The following SEC24D variants were observed in gnomAD, a reference collection of about 807,000 sequenced individuals.
SEC24D encodes the protein SEC24 homolog D, COPII component, also known as protein transport protein Sec24D.
In SEC24D, 69 loss-of-function variants were observed where a neutral mutation model predicts 116.9. The ratio of observed to expected loss-of-function variants is 0.59; its 90% CI spans 0.49 to 0.72. The LOEUF is 0.72. Among genes scored for constraint, SEC24D ranks in the 30% least tolerant of loss-of-function variants. The probability of loss-of-function intolerance (pLI) is 0.00; values close to 1 mark genes in which losing one functional copy is unlikely to be tolerated. For missense variants in SEC24D, 1,131 were observed against 1,264.1 expected, an observed-to-expected ratio of 0.89 and a Z score of 1.60; for synonymous variants, 405 against 442.8, an observed-to-expected ratio of 0.91 and a Z score of 1.07.
Position 118,738,334 on chromosome 4 carries a change from A to C in SEC24D, c.2423T>G (p.Ile808Ser). Reference protein sequence around the residue: ...LHQPLKVIREILVNQTAHMLA... With the variant: ...LHQPLKVIRESLVNQTAHMLA... ...CATATGGGCAGTCTGATTAACTAGAATTTCCCGGATGACCTTCAAAGGCTG... is the reference window on the plus strand; with the variant it reads ...CATATGGGCAGTCTGATTAACTAGACTTTCCCGGATGACCTTCAAAGGCTG... Residue 808 changes from isoleucine (I) to serine (S), a missense_variant, in exon 19 of 23, where the codon ATT (isoleucine) becomes AGT (serine). Coordinates refer to ENST00000280551, the MANE Select transcript of SEC24D (RefSeq NM_014822.4). 6.2e-7 allele frequency: 1 copy of C among 1,613,604 alleles called. No individual in the cohort carries two copies. The highest frequency in any genetic ancestry group is 8.5e-7 in the Non-Finnish European group (1 of 1,179,592).
In SEC24D at chr4:118,740,599, T is replaced by TC. The variant is rs1726178893; in HGVS notation, c.2238+63dup. On this transcript the variant is annotated intron_variant, in intron 17 of 22. Coordinates refer to ENST00000280551, the MANE Select transcript of SEC24D (RefSeq NM_014822.4). ...TAACACATTTGATGGTATTTCAGTCTCCCCACTGATCATTGTCGGCAACAA... is the reference window on the plus strand; with the variant it reads ...TAACACATTTGATGGTATTTCAGTCTCCCCCACTGATCATTGTCGGCAACAA... 4.2e-5 allele frequency: 65 copies of TC among 1,542,250 alleles called. 1 individual carries two copies. The South Asian group carries it at 7.2e-4, about 17-fold the overall frequency.
intron 11 of SEC24D, among the ~76,000 whole-genome samples, chr4:118,753,796 T>G (rs13109966): frequency 0.26 from 40,170 of 152,072 alleles, 6,460 homozygotes; most frequent in East Asian, 0.45. Flanking sequence ...GAATATTACA[T>G]AGTGCTCAAT....
intron 3 of SEC24D, 106 bp from the exon 4 acceptor site, chr4:118,817,518 C>A: frequency 1.1e-6 from 1 of 903,648 alleles, no homozygotes. Flanking sequence ...TCTAGTAGGC[C>A]TAGGAAAATG....
intron 8 of SEC24D, among the ~76,000 whole-genome samples, chr4:118,776,826 G>A (rs1011826576): frequency 6.6e-6 from 1 of 152,112 alleles, no homozygotes; most frequent in Non-Finnish European, 1.5e-5. Flanking sequence ...AATGCACAAT[G>A]TTCTACAAAT....
At chr4:118,790,243 T>C (rs937491659) in intron 8 of SEC24D, among the ~76,000 whole-genome samples, 15 of 152,208 alleles carry the variant, frequency 9.9e-5, no homozygotes, top group Admixed American at 5.2e-4. Flanking sequence ...CTGAAAAATA[T>C]ACACAGATAT....
chr4:118,723,210 A>G lies in SEC24D; in HGVS notation c.*305T>C, dbSNP rs1725234274. The G allele has an allele frequency of 2.3e-5, 5 of 217,166 alleles. No homozygotes were observed. The highest frequency in any genetic ancestry group is 9.0e-6 in the Non-Finnish European group (1 of 110,880). The allele number at this position is 217,166 out of a possible 1,614,324, so 13.5% of individuals were successfully genotyped here. ...TTGAAAAATAATTTATATGTCTAGCATAAAGAAAATTGAGAATGTTTATGG... is the reference window on the plus strand; with the variant it reads ...TTGAAAAATAATTTATATGTCTAGCGTAAAGAAAATTGAGAATGTTTATGG... On this transcript the variant is annotated 3_prime_UTR_variant, in exon 23 of 23. Transcript: ENST00000280551.
intron 8 of SEC24D, among the ~76,000 whole-genome samples, chr4:118,778,623 T>C (rs960357960): frequency 6.6e-6 from 1 of 151,988 alleles, no homozygotes; most frequent in African/African-American, 2.4e-5. Flanking sequence ...CTTTAGTTTT[T>C]TCCAATTCCA....
chr4:118,735,906 C>A (rs1015728629), intron 19 of SEC24D: 4 of 152,004 alleles, frequency 2.6e-5, no homozygotes, highest in Admixed American at 1.3e-4. Flanking sequence ...GTTGCCCAGG[C>A]TGGCCTTCAA....
At chr4:118,820,107 CCCTCATATAAATG>C in intron 3 of SEC24D, among the ~76,000 whole-genome samples, 1 of 151,904 alleles carries the variant, frequency 6.6e-6, no homozygotes, top group Non-Finnish European at 1.5e-5. Context: ...GCTAACAAAC[CCCTCATATAAATG>C]CCTCACATAA....
At position 118,815,013 on chromosome 4, in the gene SEC24D, G is replaced by C; in HGVS notation, c.801+15C>G. The C allele has an allele frequency of 1.9e-6, 3 of 1,611,978 alleles. No homozygotes were observed. The highest frequency in any genetic ancestry group is 1.7e-6 in the Non-Finnish European group (2 of 1,179,204). ...CCTTTGTGAGTGAGACTGTGAGAGT[G>C]AGAAGAGTACTTACTGGGCTAGGGA... On this transcript the variant is annotated intron_variant, in intron 6 of 22. Coordinates refer to ENST00000280551, the MANE Select transcript of SEC24D (RefSeq NM_014822.4).
In SEC24D at chr4:118,817,245, C is replaced by A; in HGVS notation, c.397+19G>T. On this transcript the variant is annotated intron_variant, in intron 4 of 22. Coordinates refer to ENST00000280551, the MANE Select transcript of SEC24D (RefSeq NM_014822.4). Reference sequence around the variant, plus strand: ...CAGGACACAAGGCAGTCAATAAACACTAATAATAAAACTATTACCATAGCT... The same window carrying A: ...CAGGACACAAGGCAGTCAATAAACAATAATAATAAAACTATTACCATAGCT... 6.3e-7 allele frequency: 1 copy of A among 1,579,396 alleles called. No individual in the cohort carries two copies. The highest frequency in any genetic ancestry group is 1.9e-5 in the Admixed American group (1 of 51,904).
intron 8 of SEC24D, among the ~76,000 whole-genome samples, chr4:118,777,296 T>C (rs1335089100): frequency 6.6e-6 from 1 of 152,106 alleles, no homozygotes; most frequent in Non-Finnish European, 1.5e-5. Flanking sequence ...CCCCGGTGTG[T>C]GATGTTTCCC....
chr4:118,750,148 G>C (rs1286189915), intron 13 of SEC24D, among the ~76,000 whole-genome samples: 2 of 152,198 alleles, frequency 1.3e-5, no homozygotes, highest in African/African-American at 4.8e-5. Context: ...TTGGACTCTA[G>C]TAAACTGGCT....
At chr4:118,746,204 A>C (rs1726517186) in intron 13 of SEC24D, among the ~76,000 whole-genome samples, 1 of 73,060 alleles carries the variant, frequency 1.4e-5, no homozygotes, top group Non-Finnish European at 2.7e-5. Flanking sequence ...GAAAGAAGGA[A>C]GGAAGGAGGG....
At chr4:118,833,916 T>C (rs1164855211) in intron 1 of SEC24D, among the ~76,000 whole-genome samples, 179 bp from the exon 2 acceptor site, 3 of 152,232 alleles carry the variant, frequency 2.0e-5, no homozygotes, top group East Asian at 1.9e-4. Context: ...GGCCTAACCA[T>C]AGCTCTCTGA....
At position 118,815,545 on chromosome 4, in the gene SEC24D, T is replaced by C. The variant is rs1171504661; in HGVS notation, c.579A>G (p.Pro193=). 1 of 1,614,208 alleles carries C rather than the reference T, an allele frequency of 6.2e-7. No homozygotes were observed. Among genetic ancestry groups the C allele is most frequent in the Non-Finnish European group, 8.5e-7 (1 of 1,180,022 alleles). The change falls in exon 5 of 23, where the codon CCA becomes CCG. Residue 193 remains proline, a synonymous_variant. Transcript: ENST00000280551. ...GAGGAGGAGGCCCAGAGAGCCCATC[T>C]GGTCTGTACATTGGTAGAGGCAAAG... ...ASPLPLPMYR[P]DGLSGPPPPN...
Position 118,777,968 on chromosome 4 carries a change from G to C in SEC24D, c.1042-9657C>G, listed in dbSNP as rs564697002. 1.7e-3 allele frequency among the ~76,000 whole-genome samples: 254 copies of C among 151,980 alleles called. 1 individual carries two copies. The highest frequency in any genetic ancestry group is 3.0e-3 in the Non-Finnish European group (205 of 67,936). ...TTTTTGATGGGGTTGTTTTTTTCTT[G>C]TAAATTTGTTTAAGTTCTTTGTAGA... On this transcript the variant is annotated intron_variant, in intron 8 of 22. Coordinates refer to ENST00000280551, the MANE Select transcript of SEC24D (RefSeq NM_014822.4).
chr4:118,779,112 T>G (rs1344769292), intron 8 of SEC24D, among the ~76,000 whole-genome samples: 3 of 152,224 alleles, frequency 2.0e-5, no homozygotes, highest in Non-Finnish European at 4.4e-5. Flanking sequence ...CTTGCCTGAT[T>G]GCCCTGGCCA....
chr4:118,774,739 T>G (rs1453560789), intron 8 of SEC24D, among the ~76,000 whole-genome samples: 3 of 152,134 alleles, frequency 2.0e-5, no homozygotes, highest in Non-Finnish European at 2.9e-5. Flanking sequence ...TCTGGTCATT[T>G]CTCTCTTCCA....
Sources: gnomAD v4.1 joint callset for allele counts (sites outside exome capture counted in the v4.1 genomes callset) on GRCh38, gnomAD v4.1.1 for gene constraint, MANE v1.5 for transcripts, NCBI Gene and HGNC (gene_info 2026-07-23, HGNC 2026-07-21) for gene names.